Variants in NTNG1 observed in about 807,000 individuals in gnomAD.
The protein encoded by NTNG1 is netrin-G1.
NTNG1 carries 16 observed loss-of-function variants against 54.0 expected under a neutral mutation model. The ratio of observed to expected loss-of-function variants is 0.30; its 90% CI spans 0.20 to 0.45. The LOEUF (loss-of-function observed/expected upper bound fraction) is 0.45. Ranked by LOEUF, NTNG1 falls within the 20% of genes least tolerant of loss-of-function variation. NTNG1 has a pLI of 1.00. For missense variants in NTNG1, 530 were observed against 678.7 expected, an observed-to-expected ratio of 0.78 and a Z score of 2.43; for synonymous variants, 255 against 263.1, an observed-to-expected ratio of 0.97 and a Z score of 0.30.
At chr1:107,452,068 A>C (rs1245714284) in intron 7 of NTNG1, among the ~76,000 whole-genome samples, 1 of 152,154 alleles carries the variant, frequency 6.6e-6, no homozygotes, top group Non-Finnish European at 1.5e-5. Flanking sequence ...CTAAGATTTC[A>C]CTTCTCTAAA....
chr1:107,457,436 T>C (rs1372518939), intron 7 of NTNG1, among the ~76,000 whole-genome samples: 2 of 152,232 alleles, frequency 1.3e-5, no homozygotes, highest in Non-Finnish European at 2.9e-5. Context: ...GATATGAGCA[T>C]TCATCCAACA....
chr1:107,180,864 A>G (rs1194949889), intron 2 of NTNG1, among the ~76,000 whole-genome samples: 2 of 152,202 alleles, frequency 1.3e-5, no homozygotes, highest in East Asian at 3.8e-4. Context: ...CCTAGATAAT[A>G]GTATCTTCTG....
Position 107,331,892 on chromosome 1 carries a change from C to T in NTNG1, c.887+6970C>T, listed in dbSNP as rs187052885. 1.9e-3 allele frequency among the ~76,000 whole-genome samples: 291 copies of T among 151,060 alleles called. 1 individual carries two copies. The highest frequency in any genetic ancestry group is 6.9e-3 in the African/African-American group (283 of 41,210). On this transcript the variant is annotated intron_variant, in intron 3 of 7. Coordinates refer to ENST00000370068, the MANE Select transcript of NTNG1 (RefSeq NM_001113226.3). The stretch of plus-strand genomic sequence containing the variant: ...TTTTTCAAGCTAAATGGATATTAAA[C>T]CATTCCACTAAAATTTAATTTACTC...
chr1:107,445,526 G>A (rs1287766973), intron 7 of NTNG1, among the ~76,000 whole-genome samples: 1 of 152,020 alleles, frequency 6.6e-6, no homozygotes, highest in African/African-American at 2.4e-5. Context: ...TTATTTTATA[G>A]ATGACAAAAC....
At chr1:107,391,594 C>T (rs78601912) in intron 3 of NTNG1, among the ~76,000 whole-genome samples, 1,652 of 152,208 alleles carry the variant, frequency 0.011, 24 homozygotes, top group African/African-American at 0.038. Context: ...GTACAAGAAG[C>T]GTGATGCCTG....
chr1:107,361,374 C>CATATATATATAT lies in NTNG1; in HGVS notation c.888-33773_888-33762dup, dbSNP rs1553232701. Among the ~76,000 whole-genome samples the CATATATATATAT allele has an allele frequency of 2.4e-3, 212 of 87,904 alleles. 2 individuals are homozygous for CATATATATATAT. The highest frequency in any genetic ancestry group is 8.4e-3 in the South Asian group (21 of 2,510). 57.7% of individuals were successfully genotyped at this position (87,904 alleles called of 152,430 possible). A position where few individuals can be genotyped will look rare whatever the true frequency, so the allele number is the denominator to read the frequency against. On this transcript the variant is annotated intron_variant, in intron 3 of 7. Coordinates refer to ENST00000370068, the MANE Select transcript of NTNG1 (RefSeq NM_001113226.3). ...ACATTATATAACATATATATATATACATATATATATATATATATTTTTTTT... is the reference window on the plus strand; with the variant it reads ...ACATTATATAACATATATATATATACATATATATATATATATATATATATATATATTTTTTTT...
chr1:107,335,321 C>T lies in NTNG1; in HGVS notation c.887+10399C>T, dbSNP rs142503106. Among the ~76,000 whole-genome samples, 209 of 152,128 alleles carry T rather than the reference C, an allele frequency of 1.4e-3. 1 individual carries two copies. Among genetic ancestry groups the T allele is most frequent in the African/African-American group, 4.7e-3 (196 of 41,528 alleles). On this transcript the variant is annotated intron_variant, in intron 3 of 7. Transcript: ENST00000370068. ...TTCTTGAGTTTACCAACCAAAGGGA[C>T]TTAAAATGCTATTTAAAAACCTTAC...
intron 2 of NTNG1, among the ~76,000 whole-genome samples, chr1:107,219,613 TG>T (rs966376463): frequency 9.2e-5 from 14 of 152,194 alleles, no homozygotes; most frequent in African/African-American, 3.4e-4. Flanking sequence ...TCTGTTAATG[TG>T]GTGCTCTCCC....
intron 7 of NTNG1, among the ~76,000 whole-genome samples, chr1:107,437,609 A>G (rs777108431): frequency 2.0e-5 from 3 of 152,346 alleles, no homozygotes; most frequent in African/African-American, 4.8e-5. Context: ...GTGTGGTCCA[A>G]TAGAAAATCA....
chr1:107,417,874 A>C (rs995104864), intron 5 of NTNG1, among the ~76,000 whole-genome samples: 1 of 152,078 alleles, frequency 6.6e-6, no homozygotes, highest in African/African-American at 2.4e-5. Context: ...GATATAAATA[A>C]TACCAGTTCT....
chr1:107,256,435 C>T lies in NTNG1; in HGVS notation c.247-67847C>T, dbSNP rs550469018. On this transcript the variant is annotated intron_variant, in intron 2 of 7. Transcript: ENST00000370068. ...ATTCTACACCACATAATTTTATTTT[C>T]TGTATGAATAGATGGCATAACTCCT... Among the ~76,000 whole-genome samples, 49 of 152,302 alleles carry T rather than the reference C, an allele frequency of 3.2e-4. 1 individual carries two copies. The highest frequency in any genetic ancestry group is 1.2e-4 in the Non-Finnish European group (8 of 68,018).
intron 5 of NTNG1, among the ~76,000 whole-genome samples, chr1:107,417,709 G>C (rs1674313020): frequency 6.6e-6 from 1 of 152,064 alleles, no homozygotes; most frequent in Non-Finnish European, 1.5e-5. Context: ...AAGAGATGTG[G>C]TTTTGAGACT....
At chr1:107,192,539 C>A (rs1658038842) in intron 2 of NTNG1, among the ~76,000 whole-genome samples, 1 of 151,972 alleles carries the variant, frequency 6.6e-6, no homozygotes. Flanking sequence ...CCAGGTTAAC[C>A]CCTACTTTCC....
At chr1:107,307,096 A>G (rs1666737611) in intron 2 of NTNG1, among the ~76,000 whole-genome samples, 1 of 152,216 alleles carries the variant, frequency 6.6e-6, no homozygotes, top group Non-Finnish European at 1.5e-5. Flanking sequence ...GTTTGATACT[A>G]AGAGATAGGT....
chr1:107,480,871 G>T lies in NTNG1; in HGVS notation c.*31G>T. ...ACCTCCAGCCACACCGGACGGGCCT[G>T]TGCCGTGGGGAAGCAGACACAACCC... On this transcript the variant is annotated 3_prime_UTR_variant, in exon 8 of 8. Transcript: ENST00000370068. 1 of 1,505,690 alleles carries T rather than the reference G, an allele frequency of 6.6e-7. No individual in the cohort carries two copies. The highest frequency in any genetic ancestry group is 9.0e-7 in the Non-Finnish European group (1 of 1,108,140). The allele number at this position is 1,505,690 out of a possible 1,614,324, so 93.3% of individuals were successfully genotyped here. A position where few individuals can be genotyped will look rare whatever the true frequency, so the allele number is the denominator to read the frequency against.
chr1:107,325,957 A>G (rs1348101747), intron 3 of NTNG1, among the ~76,000 whole-genome samples: 2 of 152,152 alleles, frequency 1.3e-5, no homozygotes, highest in Non-Finnish European at 2.9e-5. Context: ...GATTGATTCA[A>G]TTTATTGGCT....
At chr1:107,432,692 G>A (rs975827689) in intron 6 of NTNG1, among the ~76,000 whole-genome samples, 3 of 151,808 alleles carry the variant, frequency 2.0e-5, no homozygotes. Context: ...AGGAACACAG[G>A]ATAAAAAACC....
chr1:107,323,842 T>C (rs1045299176), intron 2 of NTNG1, among the ~76,000 whole-genome samples: 2 of 152,086 alleles, frequency 1.3e-5, no homozygotes, highest in African/African-American at 4.8e-5. Flanking sequence ...GTATCTATGG[T>C]TCATGGCTCA....
chr1:107,285,850 G>A (rs1041652715), intron 2 of NTNG1, among the ~76,000 whole-genome samples: 2 of 152,040 alleles, frequency 1.3e-5, no homozygotes, highest in Non-Finnish European at 2.9e-5. Flanking sequence ...TTGCAGGAGG[G>A]GGAAAAGAGC....
Sources: allele counts gnomAD v4.1 joint callset (sites outside exome capture counted in the v4.1 genomes callset), GRCh38; gene constraint gnomAD v4.1.1; transcripts MANE v1.5; gene names NCBI Gene and HGNC (gene_info 2026-07-23, HGNC 2026-07-21).